Variants in SIK3 observed in about 807,000 individuals in gnomAD.
SIK3 encodes serine/threonine-protein kinase SIK3.
SIK3 carries 28 observed loss-of-function variants against 144.2 expected under a neutral mutation model. The observed-to-expected ratio is 0.19, with a 90% CI of 0.14 to 0.27. The LOEUF is 0.27. Among genes scored for constraint, SIK3 ranks in the 10% least tolerant of loss-of-function variants. The pLI, the probability that SIK3 is intolerant of heterozygous loss-of-function variation, is 1.00. For missense variants in SIK3, 1,319 were observed against 1,776.0 expected (o/e 0.74, Z 4.62); for synonymous variants, 686 against 676.3 (o/e 1.01, Z -0.22).
At position 116,873,906 on chromosome 11, in the gene SIK3, G is replaced by A; in HGVS notation, c.1578C>T (p.Tyr526=). ...QNLQPTGQLE[Y]KEQSLLQPPT... ...GCCCTCTTCCATGTCTAGGTACCTT[G>A]TACTCAAGTTGCCCGGTTGGTTGCA... Residue 526 remains tyrosine (Y), a synonymous_variant, in exon 12 of 25, where the codon TAC becomes TAT. Transcript: ENST00000445177. The A allele has an allele frequency of 6.2e-7, 1 of 1,611,962 alleles. No individual in the cohort carries two copies.
intron 4 of SIK3, among the ~76,000 whole-genome samples, chr11:116,920,682 C>A (rs1487066357): frequency 2.0e-5 from 3 of 152,190 alleles, no homozygotes; most frequent in Non-Finnish European, 4.4e-5. Flanking sequence ...ACACTGGACG[C>A]ACCTCAAATG....
At chr11:117,028,728 G>A (rs1005879783) in intron 1 of SIK3, among the ~76,000 whole-genome samples, 3 of 152,142 alleles carry the variant, frequency 2.0e-5, no homozygotes, top group African/African-American at 7.2e-5. Context: ...GCCATATCAG[G>A]CATGGCCAGG....
chr11:117,033,238 T>G (rs865939141), intron 1 of SIK3, among the ~76,000 whole-genome samples: 1 of 152,208 alleles, frequency 6.6e-6, no homozygotes, highest in Non-Finnish European at 1.5e-5. Flanking sequence ...CCACATTCTA[T>G]CAGCACAGCG....
Position 116,846,195 on chromosome 11 carries a change from C to T in SIK3, c.*13+188G>A, listed in dbSNP as rs1565348429. 2.6e-5 allele frequency among the ~76,000 whole-genome samples: 4 copies of T among 152,218 alleles called. No homozygotes were observed. In the South Asian group the frequency reaches 6.2e-4, roughly 24 times the overall value. On this transcript the variant is annotated intron_variant, in intron 24 of 24. Transcript: ENST00000445177. The surrounding 1 kb of genome is among the most constrained non-coding windows in gnomAD (Gnocchi z 4.1). Reference sequence around the variant, plus strand: ...TTAGCATTTCTTCTGCACACCCCCACCCCTACCTCGCGCCCTAAAACTAGC... The same window carrying T: ...TTAGCATTTCTTCTGCACACCCCCATCCCTACCTCGCGCCCTAAAACTAGC...
In SIK3 at chr11:117,054,839, T is replaced by C. The variant is rs185950338; in HGVS notation, c.273+43304A>G. On this transcript the variant is annotated intron_variant, in intron 1 of 24. Transcript: ENST00000445177. ...AAAATAACAGTACTTGCTGACTGGT[T>C]GCATATGAAGGATAAGGAAGACAGG... Among the ~76,000 whole-genome samples, 403 of 152,298 alleles carry C rather than the reference T, an allele frequency of 2.6e-3. 1 individual carries two copies. The highest frequency in any genetic ancestry group is 0.01 in the Middle Eastern group (3 of 294).
At chr11:116,976,037 T>C (rs1416249277) in intron 1 of SIK3, among the ~76,000 whole-genome samples, 1 of 152,196 alleles carries the variant, frequency 6.6e-6, no homozygotes, top group Admixed American at 6.5e-5. Context: ...CATTGAAATC[T>C]TTCCTCTATT....
At chr11:117,074,797 T>G (rs1042182052) in intron 1 of SIK3, among the ~76,000 whole-genome samples, 1 of 151,824 alleles carries the variant, frequency 6.6e-6, no homozygotes, top group Non-Finnish European at 1.5e-5. Flanking sequence ...TGTGGTGGCA[T>G]GAGCCTGTAA....
chr11:116,845,572 G>A lies in SIK3; in HGVS notation c.*71C>T, dbSNP rs773517907. ...AAACACAAGGGCAATTTGGCACAAC[G>A]CTGCTAGATACTGTGGGTTTACAAT... On this transcript the variant is annotated 3_prime_UTR_variant, in exon 25 of 25. Transcript: ENST00000445177. The A allele has an allele frequency of 2.0e-5, 3 of 152,206 alleles. No individual in the cohort carries two copies. The highest frequency in any genetic ancestry group is 4.4e-5 in the Non-Finnish European group (3 of 68,040). 9.4% of individuals were successfully genotyped at this position (152,206 alleles called of 1,614,324 possible). A position where few individuals can be genotyped will look rare whatever the true frequency, so the allele number is the denominator to read the frequency against.
chr11:117,037,632 C>A (rs1003764109), intron 1 of SIK3, among the ~76,000 whole-genome samples: 30 of 152,252 alleles, frequency 2.0e-4, no homozygotes, highest in African/African-American at 7.2e-4. Flanking sequence ...TGTCCTGACT[C>A]CTGAAGAAGG....
intron 1 of SIK3, among the ~76,000 whole-genome samples, chr11:117,056,795 T>C (rs1044063238): frequency 1.3e-5 from 2 of 152,140 alleles, no homozygotes; most frequent in African/African-American, 4.8e-5. Context: ...ACCAAGGATA[T>C]ACCTACAAAT....
chr11:116,952,910 TC>T (rs1948995030), intron 3 of SIK3, among the ~76,000 whole-genome samples: 1 of 152,176 alleles, frequency 6.6e-6, no homozygotes, highest in South Asian at 2.1e-4. Flanking sequence ...AAATAAAGTA[TC>T]CCCTCCCATA....
chr11:116,873,807 G>T, intron 12 of SIK3, 96 bp downstream of exon 12: 6 of 1,500,282 alleles, frequency 4.0e-6, no homozygotes, highest in Non-Finnish European at 4.5e-6. Flanking sequence ...TTCTCTATAA[G>T]TAAACCCTTA....
At chr11:116,941,961 T>A (rs1028569954) in intron 3 of SIK3, among the ~76,000 whole-genome samples, 1 of 152,212 alleles carries the variant, frequency 6.6e-6, no homozygotes, top group Non-Finnish European at 1.5e-5. Context: ...TGCTCCTTCA[T>A]AATATAAGGC....
chr11:116,916,274 T>A (rs1032774098), intron 4 of SIK3, among the ~76,000 whole-genome samples: 1 of 152,178 alleles, frequency 6.6e-6, no homozygotes, highest in African/African-American at 2.4e-5. Flanking sequence ...TACCCATGCC[T>A]ACCACTAGCA....
intron 6 of SIK3, among the ~76,000 whole-genome samples, chr11:116,877,565 T>C (rs1182621968): frequency 3.3e-5 from 5 of 152,254 alleles, no homozygotes; most frequent in Non-Finnish European, 5.9e-5. Context: ...ACTTCTCTCC[T>C]ATGCCCTGGG....
intron 1 of SIK3, among the ~76,000 whole-genome samples, chr11:117,055,568 C>A (rs1291132853): frequency 6.6e-6 from 1 of 152,130 alleles, no homozygotes; most frequent in Non-Finnish European, 1.5e-5. Flanking sequence ...ATAGAGGAGC[C>A]AAGGACAAAA....
chr11:117,063,586 C>CT (rs769073456), intron 1 of SIK3, among the ~76,000 whole-genome samples: 2,430 of 125,910 alleles, frequency 0.019, 70 homozygotes, highest in African/African-American at 0.056. Flanking sequence ...AATGAAGTTT[C>CT]TTTTTTTTTT....
At chr11:117,052,808 G>A (rs1475909585) in intron 1 of SIK3, among the ~76,000 whole-genome samples, 2 of 152,196 alleles carry the variant, frequency 1.3e-5, no homozygotes, top group African/African-American at 2.4e-5. Context: ...AGCTTGCTAA[G>A]GTCCAATCCC....
chr11:117,016,390 G>GGAAGGAAGGAAGGAAGGAA, intron 1 of SIK3, among the ~76,000 whole-genome samples: 1 of 19,572 alleles, frequency 5.1e-5, no homozygotes, highest in East Asian at 4.5e-4. Flanking sequence ...GAGAGAGGGA[G>GGAAGGAAGGAAGGAAGGAA]GGAGGGAAGG....
Sources: allele counts gnomAD v4.1 joint callset (sites outside exome capture counted in the v4.1 genomes callset), GRCh38; gene constraint gnomAD v4.1.1; non-coding constraint Gnocchi (gnomAD v3.1); transcripts MANE v1.5; gene names NCBI Gene and HGNC (gene_info 2026-07-23, HGNC 2026-07-21).